BBX: variants seen among roughly 807,000 people sequenced by gnomAD.
BBX encodes BBX high mobility group box domain containing.
BBX carries 30 observed loss-of-function variants against 100.2 expected under a neutral mutation model. The ratio of observed to expected loss-of-function variants is 0.30; its 90% CI spans 0.22 to 0.41. The LOEUF (loss-of-function observed/expected upper bound fraction) is 0.41, where lower values mean the gene tolerates loss of function less well. Ranked by LOEUF, BBX falls within the 10% of genes least tolerant of loss-of-function variation. The probability of loss-of-function intolerance (pLI) is 1.00; values close to 1 mark genes in which losing one functional copy is unlikely to be tolerated. For missense variants in BBX, 1,023 were observed against 1,129.8 expected, an observed-to-expected ratio of 0.91 and a Z score of 1.35; for synonymous variants, 376 against 388.1, an observed-to-expected ratio of 0.97 and a Z score of 0.37.
intron 2 of BBX, among the ~76,000 whole-genome samples, chr3:107,597,019 T>C (rs1267196108): frequency 6.6e-6 from 1 of 152,204 alleles, no homozygotes; most frequent in Non-Finnish European, 1.5e-5. Context: ...AAACTATGGA[T>C]TACTTTATTG....
chr3:107,567,624 G>A lies in BBX; in HGVS notation c.-84+41226G>A, dbSNP rs74970984. Among the ~76,000 whole-genome samples, 292 of 152,106 alleles carry A rather than the reference G, an allele frequency of 1.9e-3. 6 individuals carry two copies. The East Asian group carries it at 0.048, about 25-fold the overall frequency. On this transcript the variant is annotated intron_variant, in intron 2 of 17. Coordinates refer to ENST00000325805, the MANE Select transcript of BBX (RefSeq NM_001142568.3). ...ATCCCTGAATTTTAAACCTTTACGTGTCATTTTGTTTTAGGTGTATCTTTT... is the reference window on the plus strand; with the variant it reads ...ATCCCTGAATTTTAAACCTTTACGTATCATTTTGTTTTAGGTGTATCTTTT...
At position 107,692,914 on chromosome 3, in the gene BBX, G is replaced by A. The variant is rs547666384; in HGVS notation, c.-9-17538G>A. Among the ~76,000 whole-genome samples the A allele has an allele frequency of 2.5e-4, 38 of 150,148 alleles. No individual in the cohort carries two copies. In the Middle Eastern group the frequency reaches 0.01, roughly 41 times the overall value. ...TCTAACTGGTGTGAGATGGTATCTC[G>A]TTGTGGTTTTGATTTGCATTTCTCT... is the stretch of plus-strand genomic sequence containing the variant. On this transcript the variant is annotated intron_variant, in intron 3 of 17. Coordinates refer to ENST00000325805, the MANE Select transcript of BBX (RefSeq NM_001142568.3).
chr3:107,616,005 C>CTTTTTTTTTTTT lies in BBX; in HGVS notation c.-83-29805_-83-29794dup, dbSNP rs59614452. Among the ~76,000 whole-genome samples, 8 of 19,248 alleles carry CTTTTTTTTTTTT rather than the reference C, an allele frequency of 4.2e-4. 1 individual carries two copies. Among genetic ancestry groups the CTTTTTTTTTTTT allele is most frequent in the African/African-American group, 5.1e-4 (2 of 3,934 alleles). 12.6% of individuals were successfully genotyped at this position (19,248 alleles called of 152,430 possible). A position where few individuals can be genotyped will look rare whatever the true frequency, so the allele number is the denominator to read the frequency against. On this transcript the variant is annotated intron_variant, in intron 2 of 17. Coordinates refer to ENST00000325805, the MANE Select transcript of BBX (RefSeq NM_001142568.3). The stretch of plus-strand genomic sequence containing the variant: ...AGGAGAAGCACACGCTACTCACCTG[C>CTTTTTTTTTTTT]TTTTTTTTTTTTTTTTTTTTTTTTT...
intron 2 of BBX, among the ~76,000 whole-genome samples, chr3:107,547,820 T>C (rs1343645018): frequency 6.6e-6 from 1 of 152,098 alleles, no homozygotes; most frequent in Non-Finnish European, 1.5e-5. Context: ...CATTTCTCTG[T>C]TATTTGACAA....
chr3:107,659,194 T>C (rs950689598), intron 3 of BBX, among the ~76,000 whole-genome samples: 1 of 151,964 alleles, frequency 6.6e-6, no homozygotes, highest in Non-Finnish European at 1.5e-5. Flanking sequence ...AACATTTTAT[T>C]ATGAAACTCA....
chr3:107,773,510 A>G lies in BBX; in HGVS notation c.1789A>G (p.Ser597Gly), dbSNP rs1559677451. The change falls in exon 11 of 18, where the codon AGT (serine) becomes GGT (glycine). Residue 597 changes from serine to glycine, a missense_variant. Around this residue, in one of 9 missense-constraint regions of BBX, gnomAD observed 348 missense variants for 353.2 expected, o/e 0.99. Transcript: ENST00000325805. The surrounding 1 kb of genome is among the most constrained non-coding windows in gnomAD (Gnocchi z 4.1). ...ATCAGGACAGGCCAAGCCTGAGGAC[A>G]GTGACTGTCACAGAAAAATAGAAAC... is the stretch of plus-strand genomic sequence containing the variant. Reference protein sequence around the residue: ...SLSGQAKPEDSDCHRKIETCG... With the variant: ...SLSGQAKPEDGDCHRKIETCG... The G allele has an allele frequency of 1.2e-6, 2 of 1,614,118 alleles. No individual in the cohort carries two copies. The highest frequency in any genetic ancestry group is 1.7e-5 in the Admixed American group (1 of 60,020).
intron 2 of BBX, among the ~76,000 whole-genome samples, chr3:107,569,905 C>G (rs2051215919): frequency 6.6e-6 from 1 of 152,206 alleles, no homozygotes. Flanking sequence ...CAGTCTTCAG[C>G]TATTAAGCTG....
chr3:107,544,840 C>CTA (rs1308684238), intron 2 of BBX, among the ~76,000 whole-genome samples: 1 of 118,320 alleles, frequency 8.5e-6, no homozygotes, highest in Admixed American at 8.4e-5. Context: ...CCTGTCTCTA[C>CTA]TAAAAAAAAA....
At chr3:107,762,315 A>G (rs2065961487) in intron 10 of BBX, among the ~76,000 whole-genome samples, 1 of 152,178 alleles carries the variant, frequency 6.6e-6, no homozygotes, top group Non-Finnish European at 1.5e-5. Context: ...TATTTAAATC[A>G]CCGTTTCACC....
At chr3:107,653,169 G>A (rs984279681) in intron 3 of BBX, among the ~76,000 whole-genome samples, 1 of 152,134 alleles carries the variant, frequency 6.6e-6, no homozygotes, top group African/African-American at 2.4e-5. Flanking sequence ...CTTCAAGTTT[G>A]CCATTAGTTT....
At chr3:107,737,379 A>G (rs150548885) in intron 7 of BBX, among the ~76,000 whole-genome samples, 62 of 152,074 alleles carry the variant, frequency 4.1e-4, no homozygotes, top group Non-Finnish European at 6.8e-4. Flanking sequence ...GTAATTTACT[A>G]TCTTTATCAT....
intron 7 of BBX, among the ~76,000 whole-genome samples, chr3:107,736,466 AAAT>A (rs2063644634): frequency 6.6e-6 from 1 of 152,008 alleles, no homozygotes; most frequent in Admixed American, 6.6e-5. Context: ...AATGTAGAAC[AAAT>A]AAAAGTAATC....
At chr3:107,796,312 G>A (rs928309314) in intron 15 of BBX, among the ~76,000 whole-genome samples, 1 of 152,140 alleles carries the variant, frequency 6.6e-6, no homozygotes, top group African/African-American at 2.4e-5. Flanking sequence ...TCTTTCCGCA[G>A]TCAGTTCTAA....
chr3:107,660,169 T>C (rs549216897), intron 3 of BBX, among the ~76,000 whole-genome samples: 1 of 152,292 alleles, frequency 6.6e-6, no homozygotes, highest in South Asian at 2.1e-4. Context: ...TCTAGATATC[T>C]CAGACTCTGA....
chr3:107,727,094 C>T (rs1293346759), intron 5 of BBX, among the ~76,000 whole-genome samples: 1 of 137,640 alleles, frequency 7.3e-6, no homozygotes, highest in Non-Finnish European at 1.7e-5. Context: ...TTTAAACTAC[C>T]CCCCCCAAAA....
chr3:107,616,776 A>G (rs552579420), intron 2 of BBX, among the ~76,000 whole-genome samples: 2 of 151,950 alleles, frequency 1.3e-5, no homozygotes, highest in Non-Finnish European at 2.9e-5. Context: ...AGTGTTCTTT[A>G]TATATCATCG....
At chr3:107,559,208 A>G (rs1401997404) in intron 2 of BBX, among the ~76,000 whole-genome samples, 5 of 152,244 alleles carry the variant, frequency 3.3e-5, no homozygotes, top group Non-Finnish European at 7.3e-5. Flanking sequence ...ACGTAATCAG[A>G]GTATACTTTA....
chr3:107,772,698 G>A lies in BBX; in HGVS notation c.977G>A (p.Gly326Glu), dbSNP rs762918330. The A allele has an allele frequency of 1.9e-6, 3 of 1,607,710 alleles. No homozygotes were observed. The highest frequency in any genetic ancestry group is 2.3e-5 in the South Asian group (2 of 88,522). ...KLIKAKESDG[G>E]RIKELEKGKE... ...ATAAAAGCAAAAGAATCCGATGGTG[G>A]AAGAATTAAAGAATTAGAGAAGGGA... The change falls in exon 11 of 18, where the codon GGA becomes GAA. Residue 326 changes from glycine to glutamate, a missense_variant. Gly to Glu is a moderately conservative substitution (Grantham distance 98). Around this residue, in one of 9 missense-constraint regions of BBX, gnomAD observed 348 missense variants for 353.2 expected, o/e 0.99. Transcript: ENST00000325805.
chr3:107,702,707 T>G (rs923360633), intron 3 of BBX, among the ~76,000 whole-genome samples: 1 of 152,142 alleles, frequency 6.6e-6, no homozygotes, highest in African/African-American at 2.4e-5. Context: ...TACAATCAAG[T>G]GTCAAAAATT....
Sources: gnomAD v4.1 joint callset for allele counts (sites outside exome capture counted in the v4.1 genomes callset) on GRCh38, gnomAD v4.1.1 for gene constraint, gnomAD v4.1.1 regional missense constraint, Gnocchi (gnomAD v3.1) non-coding constraint, MANE v1.5 for transcripts, NCBI Gene and HGNC (gene_info 2026-07-23, HGNC 2026-07-21) for gene names.